The following TRPS1 variants were observed in gnomAD, a reference collection of about 807,000 sequenced individuals.
TRPS1 encodes the protein transcriptional repressor GATA binding 1, also known as zinc finger transcription factor Trps1.
In TRPS1, 6 loss-of-function variants were observed where a neutral mutation model predicts 101.2. The observed-to-expected ratio is 0.06, with a 90% confidence interval of 0.03 to 0.12. TRPS1 has a LOEUF of 0.12. TRPS1 is among the 10% of genes least tolerant of loss of function. The pLI, the probability that TRPS1 is intolerant of heterozygous loss-of-function variation, is 1.00. For missense variants in TRPS1, 1,363 were observed against 1,567.0 expected, an observed-to-expected ratio of 0.87 and a Z score of 2.20; for synonymous variants, 578 against 589.8, an observed-to-expected ratio of 0.98 and a Z score of 0.29.
intron 5 of TRPS1, among the ~76,000 whole-genome samples, chr8:115,535,564 T>TATAA (rs932284852): frequency 3.3e-5 from 5 of 149,688 alleles, no homozygotes; most frequent in African/African-American, 1.2e-4. Context: ...TATATATATA[T>TATAA]AATTAGTATT....
Position 115,408,896 on chromosome 8 carries a change from T to C in TRPS1, c.*5127A>G, listed in dbSNP as rs757772628. On this transcript the variant is annotated 3_prime_UTR_variant, in exon 7 of 7. Coordinates refer to ENST00000395715, the MANE Select transcript of TRPS1 (RefSeq NM_014112.5). ...CTAAGGAATTTGGCGTTTATTATTGTGATATTTGCCTTATTGGTAGCCATT... is the reference window on the plus strand; with the variant it reads ...CTAAGGAATTTGGCGTTTATTATTGCGATATTTGCCTTATTGGTAGCCATT... The C allele has an allele frequency of 1.3e-5, 2 of 152,316 alleles. No individual in the cohort carries two copies. Among genetic ancestry groups the C allele is most frequent in the African/African-American group, 2.4e-5 (1 of 41,370 alleles). The allele number at this position is 152,316 out of a possible 1,614,324, so 9.4% of individuals were successfully genotyped here.
chr8:115,492,042 A>G (rs1314295343), intron 5 of TRPS1: 3 of 375,358 alleles, frequency 8.0e-6, no homozygotes, highest in South Asian at 4.1e-5. Context: ...TTTAATTTCA[A>G]ACTAACTCTC....
At chr8:115,656,979 G>C (rs1811690491) in intron 1 of TRPS1, among the ~76,000 whole-genome samples, 1 of 152,000 alleles carries the variant, frequency 6.6e-6, no homozygotes, top group Non-Finnish European at 1.5e-5. Context: ...AGAGAATTTG[G>C]AAAACATTTC....
rs2129720387 is a variant in TRPS1, at chr8:115,409,562, T to A, written c.*4461A>T. On this transcript the variant is annotated 3_prime_UTR_variant, in exon 7 of 7. Transcript: ENST00000395715. ...TTCCAGAAGTTCTAATTACTGCAAT[T>A]AACTGGGATGCTTTCTAAGCAACTG... 6.6e-6 allele frequency: 1 copy of A among 152,166 alleles called. No homozygotes were observed. The highest frequency in any genetic ancestry group is 6.6e-5 in the Admixed American group (1 of 15,256). 9.4% of individuals were successfully genotyped at this position (152,166 alleles called of 1,614,324 possible). A position where few individuals can be genotyped will look rare whatever the true frequency, so the allele number is the denominator to read the frequency against.
intron 5 of TRPS1, among the ~76,000 whole-genome samples, chr8:115,527,788 G>A (rs1045033763): frequency 1.3e-5 from 2 of 151,990 alleles, no homozygotes; most frequent in African/African-American, 4.8e-5. Flanking sequence ...AAGCCATTCT[G>A]GTATTACACT....
intron 4 of TRPS1, among the ~76,000 whole-genome samples, chr8:115,598,507 T>A (rs1817838350): frequency 2.0e-5 from 3 of 152,074 alleles, no homozygotes; most frequent in Non-Finnish European, 4.4e-5. Context: ...AGAGACGAGA[T>A]CTTGGTATGC....
chr8:115,654,740 C>T (rs1811641981), intron 1 of TRPS1, among the ~76,000 whole-genome samples: 1 of 152,092 alleles, frequency 6.6e-6, no homozygotes, highest in Admixed American at 6.6e-5. Context: ...ATTACTATTG[C>T]TAAGGTGTCT....
At chr8:115,556,968 C>A (rs539612601) in intron 5 of TRPS1, among the ~76,000 whole-genome samples, 56 of 152,236 alleles carry the variant, frequency 3.7e-4, no homozygotes, top group African/African-American at 1.3e-3. Flanking sequence ...CAAGACTGAG[C>A]AATTTACAAA....
At chr8:115,618,368 G>GT in intron 3 of TRPS1, among the ~76,000 whole-genome samples, 1 of 152,028 alleles carries the variant, frequency 6.6e-6, no homozygotes, top group East Asian at 1.9e-4. Flanking sequence ...ATTCAAAATG[G>GT]TAACAGTTTC....
intron 5 of TRPS1, among the ~76,000 whole-genome samples, chr8:115,567,952 T>C (rs921941478): frequency 6.6e-6 from 1 of 152,172 alleles, no homozygotes; most frequent in Non-Finnish European, 1.5e-5. Context: ...ACACCTCTCA[T>C]ACTGAGAGTT....
intron 3 of TRPS1, among the ~76,000 whole-genome samples, chr8:115,609,322 A>G (rs2130505869): frequency 6.6e-6 from 1 of 152,252 alleles, no homozygotes. Flanking sequence ...TCAGTGACAA[A>G]CTCACACACT....
intron 5 of TRPS1, among the ~76,000 whole-genome samples, chr8:115,449,956 A>AAC (rs61176190): frequency 0.051 from 7,527 of 146,614 alleles, 450 homozygotes; most frequent in African/African-American, 0.14. Flanking sequence ...TATGTGATTT[A>AAC]ACACACACAC....
intron 5 of TRPS1, among the ~76,000 whole-genome samples, chr8:115,510,421 A>G (rs1049874869): frequency 1.3e-5 from 2 of 152,036 alleles, no homozygotes; most frequent in African/African-American, 2.4e-5. Context: ...TCATCCTTCT[A>G]TAATTCAGGC....
At chr8:115,457,925 G>C (rs1175508915) in intron 5 of TRPS1, among the ~76,000 whole-genome samples, 2 of 152,160 alleles carry the variant, frequency 1.3e-5, no homozygotes, top group South Asian at 4.1e-4. Context: ...TGTGTGTTAG[G>C]TGTAGACATC....
intron 5 of TRPS1, among the ~76,000 whole-genome samples, chr8:115,524,319 C>CTTTTTTTTTTTTTTT (rs139406462): frequency 7.1e-5 from 5 of 70,716 alleles, no homozygotes; most frequent in Admixed American, 2.0e-4. Context: ...CTTCTTCTTC[C>CTTTTTTTTTTTTTTT]TTTTTTTTTT....
intron 5 of TRPS1, among the ~76,000 whole-genome samples, chr8:115,580,245 A>AATATAT (rs1554591593): frequency 2.3e-4 from 32 of 139,864 alleles, no homozygotes; most frequent in African/African-American, 4.3e-4. Flanking sequence ...AAAAAAAAAA[A>AATATAT]ATATATATAT....
At chr8:115,612,595 C>G (rs1818195466) in intron 3 of TRPS1, among the ~76,000 whole-genome samples, 1 of 152,172 alleles carries the variant, frequency 6.6e-6, no homozygotes, top group African/African-American at 2.4e-5. Flanking sequence ...GGTGGAGCTT[C>G]CCATCAGCTG....
intron 3 of TRPS1, among the ~76,000 whole-genome samples, chr8:115,610,274 C>T (rs182666452): frequency 6.6e-6 from 1 of 152,164 alleles, no homozygotes; most frequent in Admixed American, 6.5e-5. Flanking sequence ...TGTTCAAATA[C>T]TGATATTTCG....
At chr8:115,442,774 C>G (rs1482896489) in intron 5 of TRPS1, among the ~76,000 whole-genome samples, 1 of 151,012 alleles carries the variant, frequency 6.6e-6, no homozygotes, top group Non-Finnish European at 1.5e-5. Context: ...CCAGCCTGAC[C>G]AACATGGTGA....
Sources: allele counts gnomAD v4.1 joint callset (sites outside exome capture counted in the v4.1 genomes callset), GRCh38; gene constraint gnomAD v4.1.1; transcripts MANE v1.5; gene names NCBI Gene and HGNC (gene_info 2026-07-23, HGNC 2026-07-21).